The following LAMC3 variants were observed in gnomAD, a reference collection of about 807,000 sequenced individuals.
LAMC3 encodes laminin subunit gamma-3.
Under a neutral mutation model 173.8 loss-of-function variants are expected in LAMC3, and 128 were observed. That is an observed-to-expected ratio of 0.74 (90% CI 0.64 to 0.85). The LOEUF (loss-of-function observed/expected upper bound fraction) is 0.85. Among genes scored for constraint, LAMC3 ranks in the 40% least tolerant of loss-of-function variants. LAMC3 has a pLI of 0.00. For missense variants in LAMC3, 2,022 were observed against 2,156.0 expected, an observed-to-expected ratio of 0.94 and a Z score of 1.23; for synonymous variants, 897 against 909.1, an observed-to-expected ratio of 0.99 and a Z score of 0.24.
intron 1 of LAMC3, among the ~76,000 whole-genome samples, chr9:131,017,686 T>G (rs1303221288): frequency 1.5e-5 from 2 of 135,238 alleles, no homozygotes; most frequent in African/African-American, 2.9e-5. Flanking sequence ...ATCGGGCCAT[T>G]GCACTGCAGC....
intron 3 of LAMC3, among the ~76,000 whole-genome samples, chr9:131,033,963 C>T (rs573495431): frequency 1.3e-5 from 2 of 152,212 alleles, no homozygotes; most frequent in Admixed American, 6.5e-5. Context: ...CACTGAGAGC[C>T]CCTGTGGCCA....
Position 131,039,081 on chromosome 9 carries a change from G to C in LAMC3, c.1165+29G>C, listed in dbSNP as rs200075140. 3.1e-6 allele frequency: 5 copies of C among 1,612,294 alleles called. No individual in the cohort carries two copies. In the African/African-American group the frequency reaches 6.7e-5, roughly 22 times the overall value. ...AGTGGACTCCACATCCCCAGCCTCCGACCCTCTCCCTTTCCTGGCCTCAAT... is the reference window on the plus strand; with the variant it reads ...AGTGGACTCCACATCCCCAGCCTCCCACCCTCTCCCTTTCCTGGCCTCAAT... On this transcript the variant is annotated intron_variant, in intron 5 of 27. Coordinates refer to ENST00000361069, the MANE Select transcript of LAMC3 (RefSeq NM_006059.4).
chr9:131,063,425 C>A (rs1588158846), intron 13 of LAMC3, among the ~76,000 whole-genome samples: 1 of 152,182 alleles, frequency 6.6e-6, no homozygotes, highest in African/African-American at 2.4e-5. Context: ...GGGGAGCAGG[C>A]AGTGCTGTGT....
At chr9:131,012,054 CACACACAT>C (rs1003451116) in intron 1 of LAMC3, among the ~76,000 whole-genome samples, 7 of 107,728 alleles carry the variant, frequency 6.5e-5, no homozygotes, top group African/African-American at 2.6e-4. Context: ...AGCGAACACA[CACACACAT>C]ACACACACAC....
At chr9:131,063,195 C>T (rs1829863912) in intron 13 of LAMC3, among the ~76,000 whole-genome samples, 1 of 152,226 alleles carries the variant, frequency 6.6e-6, no homozygotes, top group Non-Finnish European at 1.5e-5. Context: ...GGCTCCAGAG[C>T]CGGGAGCTCA....
At chr9:131,010,892 C>G (rs1240453487) in intron 1 of LAMC3, among the ~76,000 whole-genome samples, 2 of 152,206 alleles carry the variant, frequency 1.3e-5, no homozygotes, top group South Asian at 2.1e-4. Flanking sequence ...GTGTTCAGCC[C>G]GATTCCCATG....
intron 27 of LAMC3, 71 bp from the exon 28 acceptor site, chr9:131,091,466 A>G (rs534385940): frequency 2.5e-5 from 38 of 1,544,086 alleles, no homozygotes; most frequent in Non-Finnish European, 3.2e-5. Flanking sequence ...GGAGAGGCTC[A>G]GGGGCTGGGA....
intron 1 of LAMC3, among the ~76,000 whole-genome samples, chr9:131,020,014 G>A (rs564419666): frequency 2.8e-4 from 43 of 152,142 alleles, no homozygotes; most frequent in African/African-American, 9.9e-4. Flanking sequence ...GCCCACATCC[G>A]GCACTGACCA....
chr9:131,091,043 T>C lies in LAMC3; in HGVS notation c.4478-494T>C, dbSNP rs562085165. 7.2e-5 allele frequency among the ~76,000 whole-genome samples: 11 copies of C among 152,202 alleles called. 1 individual carries two copies. In the South Asian group the frequency reaches 1.5e-3, roughly 20 times the overall value. On this transcript the variant is annotated intron_variant, in intron 27 of 27. Transcript: ENST00000361069. The stretch of plus-strand genomic sequence containing the variant: ...CTCAATAAATAAATAAATGCATCCA[T>C]CCATCCATACATACATACAAAAATT...
At chr9:131,071,429 G>A (rs1238348296) in intron 17 of LAMC3, 55 bp from the exon 18 acceptor site, 39 of 1,600,664 alleles carry the variant, frequency 2.4e-5, no homozygotes, top group Non-Finnish European at 3.0e-5. Flanking sequence ...GGGAGTGTCT[G>A]GGCAGGACCT....
chr9:131,068,076 A>G lies in LAMC3; in HGVS notation c.2594-2A>G, dbSNP rs778619122. ...AACACCCCTTCCTGCTCCTGCCCCC[A>G]GCTTGCAGCTGTCACCCACAGGGCT... On this transcript the variant is annotated splice_acceptor_variant, in intron 14 of 27. Coordinates refer to ENST00000361069, the MANE Select transcript of LAMC3 (RefSeq NM_006059.4). LOFTEE classifies it high-confidence loss of function. 2.5e-6 allele frequency: 4 copies of G among 1,609,984 alleles called. No homozygotes were observed. The highest frequency in any genetic ancestry group is 3.4e-6 in the Non-Finnish European group (4 of 1,180,004).
At chr9:131,059,375 C>G (rs1829761085) in intron 12 of LAMC3, among the ~76,000 whole-genome samples, 1 of 150,646 alleles carries the variant, frequency 6.6e-6, no homozygotes. Context: ...GCCTGTAATC[C>G]CATCTACTAG....
chr9:131,036,414 G>A, intron 4 of LAMC3, 82 bp downstream of exon 4: 1 of 1,518,700 alleles, frequency 6.6e-7, no homozygotes, highest in African/African-American at 1.4e-5. Flanking sequence ...AAACGTCGTG[G>A]TGGGGGCTGC....
In LAMC3 at chr9:131,032,146, T is replaced by C. The variant is rs561893279; in HGVS notation, c.780T>C (p.Tyr260=). 18 of 1,607,402 alleles carry C rather than the reference T, an allele frequency of 1.1e-5. No homozygotes were observed. In the Admixed American group the frequency reaches 3.0e-4, roughly 27 times the overall value. Reference sequence around the variant, plus strand: ...CCAAGGTGCTCCAGTCCTACTATTATGCCGTGTCCGACTTCTCTGTGGGCG... The same window carrying C: ...CCAAGGTGCTCCAGTCCTACTATTACGCCGTGTCCGACTTCTCTGTGGGCG... ...KDPKVLQSYY[Y]AVSDFSVGGR... is the part of the protein sequence containing the mutation. The change falls in exon 3 of 28, where the codon TAT becomes TAC. Residue 260 remains tyrosine (Y), a synonymous_variant. Coordinates refer to ENST00000361069, the MANE Select transcript of LAMC3 (RefSeq NM_006059.4).
rs373660982 is a variant in LAMC3 at position 131,069,730 on chromosome 9, C to G, written c.2949C>G (p.Cys983Trp). The part of the protein sequence containing the change: ...ASAQCHENGT[C>W]VCRPGFEGYK... ...CCCAGTGCCACGAGAACGGCACATG[C>G]GTGTGCAGGCCTGGCTTCGAGGGCT... Residue 983 changes from cysteine (C) to tryptophan (W), a missense_variant, in exon 17 of 28, where the codon TGC becomes TGG. Physicochemically the swap from Cys to Trp is radical, Grantham distance 215. Transcript: ENST00000361069. 7.5e-6 allele frequency: 12 copies of G among 1,602,230 alleles called. No homozygotes were observed. Among genetic ancestry groups the G allele is most frequent in the African/African-American group, 1.3e-5 (1 of 74,838 alleles).
Position 131,073,294 on chromosome 9 carries a change from CCA to C in LAMC3, c.3470_3471del (p.Thr1157ArgfsTer74), listed in dbSNP as rs765216854. ...CAGCCGACCAAATGGAGCCACCTGGCCACAGAGGCCCGTGCCCTCGCCAGGAG... is the reference window on the plus strand; with the variant it reads ...CAGCCGACCAAATGGAGCCACCTGGCCAGAGGCCCGTGCCCTCGCCAGGAG... On this transcript the variant is annotated frameshift_variant, in exon 20 of 28. Transcript: ENST00000361069. LOFTEE classifies it high-confidence loss of function. 1.3e-5 allele frequency: 21 copies of C among 1,613,836 alleles called. No individual in the cohort carries two copies. In the South Asian group the frequency reaches 2.1e-4, roughly 16 times the overall value.
chr9:131,087,420 C>T, intron 25 of LAMC3, 56 bp from the exon 26 acceptor site: 2 of 1,608,092 alleles, frequency 1.2e-6, no homozygotes, highest in Non-Finnish European at 1.7e-6. Context: ...CTATTTACCT[C>T]CAAAAGGACT....
At chr9:131,045,463 G>GCCCCGC in intron 7 of LAMC3, 61 bp from the exon 8 acceptor site, 1 of 1,601,422 alleles carries the variant, frequency 6.2e-7, no homozygotes, top group South Asian at 1.1e-5. Flanking sequence ...GGATACCCTG[G>GCCCCGC]CCCCGCCCCT....
At chr9:131,046,648 C>T (rs1588149741) in intron 8 of LAMC3, among the ~76,000 whole-genome samples, 1 of 150,514 alleles carries the variant, frequency 6.6e-6, no homozygotes, top group Non-Finnish European at 1.5e-5. Flanking sequence ...TATGAGTGTC[C>T]GCGCCCAGCT....
Sources: allele counts gnomAD v4.1 joint callset (sites outside exome capture counted in the v4.1 genomes callset), GRCh38; gene constraint gnomAD v4.1.1; transcripts MANE v1.5; gene names NCBI Gene and HGNC (gene_info 2026-07-23, HGNC 2026-07-21).